The following TWF2 variants were observed in gnomAD, a reference collection of about 807,000 sequenced individuals.
TWF2 encodes twinfilin actin binding protein 2.
A neutral mutation model predicts 45.1 loss-of-function variants in TWF2; 15 were observed. That is an observed-to-expected ratio of 0.33 (90% confidence interval 0.22 to 0.51). TWF2 has a LOEUF of 0.51. Ranked by LOEUF, TWF2 falls within the 20% of genes least tolerant of loss-of-function variation. The pLI, the probability that TWF2 is intolerant of heterozygous loss-of-function variation, is 0.97. For synonymous variants in TWF2, 177 were observed against 195.8 expected (o/e 0.90, Z 0.80); for missense variants, 423 against 469.1 (o/e 0.90, Z 0.91).
At chr3:52,235,297 G>A (rs918421118) in intron 1 of TWF2, among the ~76,000 whole-genome samples, 191 bp from the exon 2 acceptor site, 4 of 150,646 alleles carry the variant, frequency 2.7e-5, no homozygotes, top group East Asian at 2.0e-4. Context: ...GGTGGCAGGC[G>A]AGTGGCCTGC....
chr3:52,238,986 C>T lies in TWF2; in HGVS notation c.25+6G>A, dbSNP rs113171306. 1.7e-4 allele frequency: 269 copies of T among 1,595,166 alleles called. 3 individuals carry two copies. Among genetic ancestry groups the T allele is most frequent in the African/African-American group, 1.5e-3 (113 of 74,908 alleles). On this transcript the variant is annotated splice_donor_region_variant and intron_variant, in intron 1 of 8. Coordinates refer to ENST00000305533, the MANE Select transcript of TWF2 (RefSeq NM_007284.4). ...GGCCCCCTGCCCGCCCGCCATCCGCCCTCACCGTGGATGCCCGTTTGGTGC... is the reference window on the plus strand; with the variant it reads ...GGCCCCCTGCCCGCCCGCCATCCGCTCTCACCGTGGATGCCCGTTTGGTGC...
rs542484418 is a variant in TWF2 at position 52,237,709 on chromosome 3, G to A, written c.25+1283C>T. On this transcript the variant is annotated intron_variant, in intron 1 of 8. Coordinates refer to ENST00000305533, the MANE Select transcript of TWF2 (RefSeq NM_007284.4). ...TGGGGCTGAGTCATGAAGCCTGCCCGCCAGCTCCTCCTGGAGAAAGGCTGG... is the reference window on the plus strand; with the variant it reads ...TGGGGCTGAGTCATGAAGCCTGCCCACCAGCTCCTCCTGGAGAAAGGCTGG... 1.6e-3 allele frequency among the ~76,000 whole-genome samples: 243 copies of A among 152,332 alleles called. 2 individuals are homozygous for A. Among genetic ancestry groups the A allele is most frequent in the Non-Finnish European group, 1.2e-3 (81 of 68,016 alleles).
rs763175474 is a variant in TWF2, at chr3:52,229,125, T to A, written c.959A>T (p.Lys320Met). The change falls in exon 9 of 9, where the codon AAG becomes ATG. Residue 320 changes from lysine to methionine, a missense_variant. By Grantham distance (95) the Lys-to-Met change is moderately conservative. Coordinates refer to ENST00000305533, the MANE Select transcript of TWF2 (RefSeq NM_007284.4). ...DEVHPKQHAF[K>M]QAFAKPKGPG... ...GCCCTTGGGCTTGGCGAAGGCCTGCTTGAAGGCGTGTTGCTTGGGGTGCAC... is the reference window on the plus strand; with the variant it reads ...GCCCTTGGGCTTGGCGAAGGCCTGCATGAAGGCGTGTTGCTTGGGGTGCAC... 6.2e-7 allele frequency: 1 copy of A among 1,613,722 alleles called. No individual in the cohort carries two copies. Among genetic ancestry groups the A allele is most frequent in the Admixed American group, 1.7e-5 (1 of 60,032 alleles).
intron 8 of TWF2, 142 bp downstream of exon 8, chr3:52,229,519 G>T: frequency 7.1e-7 from 1 of 1,404,486 alleles, no homozygotes; most frequent in Non-Finnish European, 9.6e-7. Context: ...GGCCATGCGT[G>T]TTGCTCCTTG....
chr3:52,231,169 C>T lies in TWF2; in HGVS notation c.441G>A (p.Leu147=). 1 of 1,614,088 alleles carries T rather than the reference C, an allele frequency of 6.2e-7. No individual in the cohort carries two copies. The highest frequency in any genetic ancestry group is 1.1e-5 in the South Asian group (1 of 91,084). Residue 147 remains leucine, a synonymous_variant, in exon 5 of 9, where the codon CTG becomes CTA. Transcript: ENST00000305533. ...GCTGGAGCTCTCTCTCAGCCGAGGTCAGCGGGGCAGGTGCCGCACAGGACG... is the reference window on the plus strand; with the variant it reads ...GCTGGAGCTCTCTCTCAGCCGAGGTTAGCGGGGCAGGTGCCGCACAGGACG... ...HLSSCAAPAP[L]TSAERELQQI...
intron 2 of TWF2, among the ~76,000 whole-genome samples, chr3:52,233,217 G>A (rs1699695251): frequency 6.6e-6 from 1 of 152,190 alleles, no homozygotes; most frequent in South Asian, 2.1e-4. Context: ...GCCTGGCTGG[G>A]GGTCCTGGTG....
At chr3:52,234,122 C>G (rs1377407933) in intron 2 of TWF2, among the ~76,000 whole-genome samples, 4 of 152,120 alleles carry the variant, frequency 2.6e-5, no homozygotes, top group African/African-American at 9.7e-5. Context: ...CTGGGCAAAG[C>G]ACTGCCAAGG....
intron 1 of TWF2, 78 bp downstream of exon 1, chr3:52,238,914 G>C: frequency 4.7e-6 from 7 of 1,502,122 alleles, no homozygotes; most frequent in Non-Finnish European, 6.2e-6. Flanking sequence ...TGGGGTGGAG[G>C]GAGGGGCCGA....
At chr3:52,232,313 GC>G in intron 2 of TWF2, 191 bp from the exon 3 acceptor site, 1 of 707,208 alleles carries the variant, frequency 1.4e-6, no homozygotes, top group Non-Finnish European at 2.3e-6. Flanking sequence ...GCACAAAGCT[GC>G]CACCTGGGGG....
chr3:52,231,464 C>T lies in TWF2; in HGVS notation c.358G>A (p.Glu120Lys). The T allele has an allele frequency of 6.2e-7, 1 of 1,614,058 alleles. No homozygotes were observed. Among genetic ancestry groups the T allele is most frequent in the Non-Finnish European group, 8.5e-7 (1 of 1,179,968 alleles). Residue 120 changes from glutamate (E) to lysine (K), a missense_variant, in exon 4 of 9, where the codon GAG becomes AAG. Transcript: ENST00000305533. ...KEFGGGHIKDELFGTVKDDLS... is the reference protein window; with the variant it reads ...KEFGGGHIKDKLFGTVKDDLS... ...ATTACCTTCACAGTCCCGAAGAGCT[C>T]ATCCTTGATGTGGCCACCTCCAAAC...
chr3:52,236,778 A>G (rs1699729720), intron 1 of TWF2, among the ~76,000 whole-genome samples: 1 of 152,118 alleles, frequency 6.6e-6, no homozygotes, highest in African/African-American at 2.4e-5. Flanking sequence ...CTTAGGGCTC[A>G]GAGAAACATG....
intron 3 of TWF2, 68 bp from the exon 4 acceptor site, chr3:52,231,607 C>T (rs925655957): frequency 2.1e-5 from 32 of 1,510,456 alleles, no homozygotes; most frequent in East Asian, 1.4e-4. Context: ...CAGACAGGTG[C>T]CTCTGGAGGA....
At chr3:52,238,323 C>A (rs1040494620) in intron 1 of TWF2, among the ~76,000 whole-genome samples, 12 of 152,272 alleles carry the variant, frequency 7.9e-5, no homozygotes, top group South Asian at 4.1e-4. Context: ...TTTCTCCATC[C>A]CACGTAGAAG....
intron 1 of TWF2, 134 bp downstream of exon 1, chr3:52,238,858 G>A (rs1343704213): frequency 2.3e-6 from 3 of 1,278,682 alleles, no homozygotes; most frequent in Non-Finnish European, 3.1e-6. Flanking sequence ...CACCCCAGGC[G>A]ACCCGCGGCT....
In TWF2 at chr3:52,228,948, C is replaced by A; in HGVS notation, c.*86G>T. 6.5e-7 allele frequency: 1 copy of A among 1,538,234 alleles called. No individual in the cohort carries two copies. The highest frequency in any genetic ancestry group is 1.9e-5 in the Admixed American group (1 of 51,672). On this transcript the variant is annotated 3_prime_UTR_variant, in exon 9 of 9. Transcript: ENST00000305533. ...CCTCCTGACCTCCCAGAAACACTTT[C>A]CTGGAGCCCAGGAAGGAGGATGGTG...
intron 2 of TWF2, 117 bp from the exon 3 acceptor site, chr3:52,232,239 T>G: frequency 7.9e-7 from 1 of 1,263,326 alleles, no homozygotes; most frequent in Non-Finnish European, 1.1e-6. Context: ...GCCCCTCACC[T>G]TCCCTGGAGC....
chr3:52,235,538 A>G (rs937073419), intron 1 of TWF2, among the ~76,000 whole-genome samples: 5 of 151,396 alleles, frequency 3.3e-5, no homozygotes, highest in African/African-American at 4.9e-5. Flanking sequence ...CACTATGCCC[A>G]TTCACACACA....
intron 1 of TWF2, among the ~76,000 whole-genome samples, chr3:52,235,855 C>A (rs1290706323): frequency 2.0e-5 from 3 of 152,204 alleles, no homozygotes; most frequent in African/African-American, 7.2e-5. Context: ...CCAGTCCCAG[C>A]CCTCCAGCCA....
intron 1 of TWF2, among the ~76,000 whole-genome samples, chr3:52,238,675 G>C (rs1021613797): frequency 6.6e-6 from 1 of 152,194 alleles, no homozygotes. Flanking sequence ...CACGGAAGAC[G>C]TGTGCACATG....
Sources: allele counts gnomAD v4.1 joint callset (sites outside exome capture counted in the v4.1 genomes callset), GRCh38; gene constraint gnomAD v4.1.1; transcripts MANE v1.5; gene names NCBI Gene and HGNC (gene_info 2026-07-23, HGNC 2026-07-21).